Variants in PRPF3 observed in about 807,000 individuals in gnomAD.
PRPF3 encodes pre-mRNA processing factor 3.
In PRPF3, 3 loss-of-function variants were observed where a neutral mutation model predicts 89.2. The ratio of observed to expected loss-of-function variants is 0.03; its 90% CI spans 0.02 to 0.09. The LOEUF is 0.09. PRPF3 is among the 10% of genes least tolerant of loss of function. The pLI, the probability that PRPF3 is intolerant of heterozygous loss-of-function variation, is 1.00. For missense variants in PRPF3, 463 were observed against 828.8 expected (o/e 0.56, Z 5.42); for synonymous variants, 270 against 289.1 (o/e 0.93, Z 0.67).
intron 1 of PRPF3, among the ~76,000 whole-genome samples, chr1:150,322,553 T>G (rs1553862337): frequency 1.3e-5 from 2 of 152,216 alleles, no homozygotes; most frequent in South Asian, 2.1e-4. Flanking sequence ...CTACTCATTG[T>G]GGGGTAATAG....
intron 2 of PRPF3, 29 bp from the exon 3 acceptor site, chr1:150,325,722 A>C: frequency 6.2e-7 from 1 of 1,608,276 alleles, no homozygotes; most frequent in Non-Finnish European, 8.5e-7. Context: ...TTACCTTTCC[A>C]ACCCTACCAC....
intron 9 of PRPF3, among the ~76,000 whole-genome samples, chr1:150,342,698 T>C (rs1254794029): frequency 3.3e-5 from 5 of 152,072 alleles, no homozygotes; most frequent in African/African-American, 4.8e-5. Flanking sequence ...AATTTTTGTA[T>C]TTTTAGTGGA....
chr1:150,332,868 T>G, intron 5 of PRPF3, 101 bp downstream of exon 5: 3 of 1,494,646 alleles, frequency 2.0e-6, no homozygotes, highest in Non-Finnish European at 2.8e-6. Flanking sequence ...CATGTTTCAC[T>G]TCATAATCAT....
At chr1:150,349,907 A>C (rs1658735320) in intron 15 of PRPF3, among the ~76,000 whole-genome samples, 1 of 137,046 alleles carries the variant, frequency 7.3e-6, no homozygotes, top group Non-Finnish European at 1.6e-5. Context: ...GGGGGGCGGT[A>C]TGGAGTTTCG....
At chr1:150,330,871 C>T (rs1414442906) in intron 4 of PRPF3, among the ~76,000 whole-genome samples, 6 of 151,376 alleles carry the variant, frequency 4.0e-5, no homozygotes, top group African/African-American at 1.5e-4. Context: ...CACGCGCCAC[C>T]ACGCCTAGCT....
rs781846855 is a variant in PRPF3 at position 150,335,036 on chromosome 1, G to A, written c.830G>A (p.Arg277His). Residue 277 changes from arginine to histidine, a missense_variant, in exon 7 of 16, where the codon CGC becomes CAC. Coordinates refer to ENST00000324862, the MANE Select transcript of PRPF3 (RefSeq NM_004698.4). Reference protein sequence around the residue: ...ATGKEIELTHRMPTLKANIRA... With the variant: ...ATGKEIELTHHMPTLKANIRA... ...GGCAAGGAGATTGAGCTGACACACC[G>A]CATGCCTACTCTGAAAGCCAATATT... 5 of 1,613,948 alleles carry A rather than the reference G, an allele frequency of 3.1e-6. No homozygotes were observed. The highest frequency in any genetic ancestry group is 3.4e-6 in the Non-Finnish European group (4 of 1,179,978).
chr1:150,344,436 C>G lies in PRPF3; in HGVS notation c.1529C>G (p.Ala510Gly), dbSNP rs781905935. The change falls in exon 12 of 16, where the codon GCG becomes GGG. Residue 510 changes from alanine to glycine, a missense_variant and splice_region_variant. Around this residue, in one of 8 missense-constraint regions of PRPF3, gnomAD observed 261 missense variants for 475.8 expected, o/e 0.55. Transcript: ENST00000324862. ...GGATGTCCTTCCTGTCACGACAGAGCGCATGAAGAGGCCAACGCTGCCCGA... is the reference window on the plus strand; with the variant it reads ...GGATGTCCTTCCTGTCACGACAGAGGGCATGAAGAGGCCAACGCTGCCCGA... ...VRAQMAKRQK[A>G]HEEANAARKL... The G allele has an allele frequency of 3.1e-6, 5 of 1,614,014 alleles. No homozygotes were observed. In the Admixed American group the frequency reaches 8.3e-5, roughly 27 times the overall value.
At chr1:150,351,236 G>A (rs891948193) in intron 15 of PRPF3, among the ~76,000 whole-genome samples, 2 of 152,194 alleles carry the variant, frequency 1.3e-5, no homozygotes, top group African/African-American at 4.8e-5. Context: ...TTGCACTCCA[G>A]CCTGGGTGAC....
At chr1:150,328,172 T>C in intron 3 of PRPF3, 148 bp from the exon 4 acceptor site, 1 of 804,836 alleles carries the variant, frequency 1.2e-6, no homozygotes, top group Non-Finnish European at 2.1e-6. Flanking sequence ...GAGAGTCTAG[T>C]AGACCCTGCT....
intron 12 of PRPF3, chr1:150,345,644 C>T (rs1016974897): frequency 3.4e-6 from 1 of 296,282 alleles, no homozygotes; most frequent in Non-Finnish European, 6.5e-6. Flanking sequence ...CCACCGCACC[C>T]AGCCAAGTAA....
chr1:150,342,272 C>T (rs921023646), intron 9 of PRPF3, among the ~76,000 whole-genome samples: 34 of 151,610 alleles, frequency 2.2e-4, no homozygotes, highest in Admixed American at 1.4e-3. Flanking sequence ...CCCAGCTACT[C>T]AGGAGGCTGA....
At chr1:150,346,224 C>T (rs1381375287) in intron 13 of PRPF3, 88 bp downstream of exon 13, 4 of 1,345,296 alleles carry the variant, frequency 3.0e-6, no homozygotes, top group Non-Finnish European at 4.3e-6. Flanking sequence ...AGAAAAAGAT[C>T]GTATTTTAGT....
At chr1:150,346,764 C>A (rs192846747) in intron 14 of PRPF3, among the ~76,000 whole-genome samples, 1 of 152,078 alleles carries the variant, frequency 6.6e-6, no homozygotes, top group Non-Finnish European at 1.5e-5. Flanking sequence ...ATCTGAGTAC[C>A]GGTTACATGA....
At chr1:150,329,906 T>A (rs1553864937) in intron 4 of PRPF3, 2 of 152,124 alleles carry the variant, frequency 1.3e-5, no homozygotes, top group Non-Finnish European at 2.9e-5. Flanking sequence ...ATTATAGGCA[T>A]GTGCCACCAC....
intron 1 of PRPF3, among the ~76,000 whole-genome samples, chr1:150,323,313 A>T (rs1655311536): frequency 6.7e-6 from 1 of 148,898 alleles, no homozygotes; most frequent in South Asian, 2.2e-4. Flanking sequence ...AGTAGCTGGG[A>T]TTACAGGTGC....
At chr1:150,338,128 T>C (rs1553868749) in intron 7 of PRPF3, 32 bp from the exon 8 acceptor site, 2 of 1,611,814 alleles carry the variant, frequency 1.2e-6, no homozygotes, top group Non-Finnish European at 1.7e-6. Flanking sequence ...GACTCCAATT[T>C]ATCTTTCTGT....
At chr1:150,351,562 G>A (rs117688465) in intron 15 of PRPF3, among the ~76,000 whole-genome samples, 1,517 of 150,818 alleles carry the variant, frequency 0.01, 60 homozygotes, top group Admixed American at 0.069. Context: ...GTGCAGTGGC[G>A]CAGTCATAGC....
chr1:150,345,559 C>G (rs1658196717), intron 12 of PRPF3: 1 of 193,738 alleles, frequency 5.2e-6, no homozygotes, highest in Non-Finnish European at 1.1e-5. Flanking sequence ...CCATGTTGGC[C>G]AGGCTGGTCT....
chr1:150,324,860 T>C, intron 1 of PRPF3, 35 bp from the exon 2 acceptor site: 1 of 1,533,600 alleles, frequency 6.5e-7, no homozygotes, highest in Non-Finnish European at 8.8e-7. Context: ...TTTAGTCTTT[T>C]CTTATTCTCT....
Sources: gnomAD v4.1 joint callset for allele counts (sites outside exome capture counted in the v4.1 genomes callset) on GRCh38, gnomAD v4.1.1 for gene constraint, gnomAD v4.1.1 regional missense constraint, MANE v1.5 for transcripts, NCBI Gene and HGNC (gene_info 2026-07-23, HGNC 2026-07-21) for gene names.